KDR: variants seen among roughly 807,000 people sequenced by gnomAD.
KDR encodes the protein kinase insert domain receptor.
In KDR, 43 loss-of-function variants were observed where a neutral mutation model predicts 160.9. The ratio of observed to expected loss-of-function variants is 0.27; its 90% confidence interval spans 0.21 to 0.34. The LOEUF is 0.34. Ranked by LOEUF, KDR falls within the 10% of genes least tolerant of loss-of-function variation. The pLI, the probability that KDR is intolerant of heterozygous loss-of-function variation, is 1.00. For missense variants in KDR, 1,469 were observed against 1,666.4 expected (o/e 0.88, Z 2.06); for synonymous variants, 617 against 600.1 (o/e 1.03, Z -0.41).
At chr4:55,111,531 T>A (rs1720582326) in intron 7 of KDR, among the ~76,000 whole-genome samples, 1 of 152,144 alleles carries the variant, frequency 6.6e-6, no homozygotes, top group South Asian at 2.1e-4. Flanking sequence ...CCACCTCAAC[T>A]ACCCTTGTCT....
Position 55,125,354 on chromosome 4 carries a change from C to G in KDR, c.-61G>C. On this transcript the variant is annotated 5_prime_UTR_variant, in exon 1 of 30. Coordinates refer to ENST00000263923, the MANE Select transcript of KDR (RefSeq NM_002253.4). Reference sequence around the variant, plus strand: ...GGGAGCCGGTTCTTTCTCCCAGCGCCTGTCTAGAGAAGGAGGCGCGGAGGT... The same window carrying G: ...GGGAGCCGGTTCTTTCTCCCAGCGCGTGTCTAGAGAAGGAGGCGCGGAGGT... 1 of 1,555,176 alleles carries G rather than the reference C, an allele frequency of 6.4e-7. No individual in the cohort carries two copies. Among genetic ancestry groups the G allele is most frequent in the Non-Finnish European group, 8.7e-7 (1 of 1,148,044 alleles).
In KDR at chr4:55,079,363, A is replaced by G. The variant is rs1207229318; in HGVS notation, c.*578T>C. The G allele has an allele frequency of 4.1e-6, 1 of 245,524 alleles. No homozygotes were observed. Among genetic ancestry groups the G allele is most frequent in the Non-Finnish European group, 8.0e-6 (1 of 124,612 alleles). 15.2% of individuals were successfully genotyped at this position (245,524 alleles called of 1,614,324 possible). Reference sequence around the variant, plus strand: ...CCCTTTACATTTCAGAACAGACCCCATGCCCACCTCCACCAGAGCAAACAC... The same window carrying G: ...CCCTTTACATTTCAGAACAGACCCCGTGCCCACCTCCACCAGAGCAAACAC... On this transcript the variant is annotated 3_prime_UTR_variant, in exon 30 of 30. Transcript: ENST00000263923.
intron 22 of KDR, 23 bp from the exon 23 acceptor site, chr4:55,090,101 A>T: frequency 6.2e-7 from 1 of 1,613,552 alleles, no homozygotes; most frequent in African/African-American, 1.3e-5. Context: ...TCATGTGTGC[A>T]TTAGGTCTCG....
intron 26 of KDR, among the ~76,000 whole-genome samples, chr4:55,088,439 C>T (rs1719919566): frequency 6.6e-6 from 1 of 152,142 alleles, no homozygotes; most frequent in African/African-American, 2.4e-5. Flanking sequence ...ACTCTAAAAT[C>T]TTCCAGTGGA....
intron 20 of KDR, among the ~76,000 whole-genome samples, chr4:55,095,199 T>C (rs1720120419): frequency 6.6e-6 from 1 of 152,138 alleles, no homozygotes; most frequent in African/African-American, 2.4e-5. Flanking sequence ...TGCCACATTT[T>C]GAGTTGCATT....
chr4:55,082,464 G>A (rs1386390080), intron 28 of KDR, 72 bp downstream of exon 28: 8 of 1,171,518 alleles, frequency 6.8e-6, no homozygotes, highest in South Asian at 2.5e-5. Context: ...TTAATGCTTA[G>A]GCTAATATTT....
At chr4:55,103,530 C>T (rs540862409) in intron 13 of KDR, among the ~76,000 whole-genome samples, 2 of 152,254 alleles carry the variant, frequency 1.3e-5, no homozygotes, top group South Asian at 2.1e-4. Flanking sequence ...CTCAATTCTG[C>T]CATAACCTTG....
In KDR at chr4:55,107,990, T is replaced by G. The variant is rs1041370573; in HGVS notation, c.1256-97A>C. 2.2e-6 allele frequency: 3 copies of G among 1,383,904 alleles called. No individual in the cohort carries two copies. The Admixed American group carries it at 5.1e-5, about 24-fold the overall frequency. 85.7% of individuals were successfully genotyped at this position (1,383,904 alleles called of 1,614,324 possible). ...CTAAAGCTGACTTTCTTTAAGCATA[T>G]GATTTTGCTTCCACTTTCTTTTTCG... On this transcript the variant is annotated intron_variant, in intron 9 of 29. Coordinates refer to ENST00000263923, the MANE Select transcript of KDR (RefSeq NM_002253.4).
At chr4:55,101,490 C>A (rs1270884277) in intron 15 of KDR, among the ~76,000 whole-genome samples, 1 of 152,170 alleles carries the variant, frequency 6.6e-6, no homozygotes, top group Non-Finnish European at 1.5e-5. Context: ...TGACTTCCCA[C>A]TGACCTTCTT....
intron 2 of KDR, among the ~76,000 whole-genome samples, chr4:55,120,423 T>A (rs1325216340): frequency 1.3e-5 from 2 of 152,048 alleles, no homozygotes; most frequent in African/African-American, 4.8e-5. Context: ...AAAGGCAAAA[T>A]TTAAAGGCCT....
chr4:55,101,033 T>G (rs976057351), intron 15 of KDR, among the ~76,000 whole-genome samples: 1 of 152,174 alleles, frequency 6.6e-6, no homozygotes, highest in East Asian at 1.9e-4. Context: ...AACCAAAAAT[T>G]TTCCATGTCA....
intron 7 of KDR, among the ~76,000 whole-genome samples, 158 bp downstream of exon 7, chr4:55,113,146 A>G (rs1720638849): frequency 1.3e-5 from 2 of 152,226 alleles, no homozygotes; most frequent in Admixed American, 1.3e-4. Flanking sequence ...CCTGACTACA[A>G]AGCTATGCTC....
chr4:55,081,989 A>G lies in KDR; in HGVS notation c.3815T>C (p.Leu1272Ser). 2 of 1,613,950 alleles carry G rather than the reference A, an allele frequency of 1.2e-6. No individual in the cohort carries two copies. The highest frequency in any genetic ancestry group is 1.1e-5 in the South Asian group (1 of 91,076). Residue 1272 changes from leucine (L) to serine (S), a missense_variant, in exon 29 of 30, where the codon TTG becomes TCG. This residue lies in a region of KDR where 229 missense variants were observed against 197.8 expected (regional missense o/e 1.16). Transcript: ENST00000263923. ...TGGAGATAATTTGGTTCTGTCTTCC[A>G]AAGTTTTCAGCTCTTCTGAGGCAAG... ...MVLASEELKT[L>S]EDRTKLSPSF...
At chr4:55,107,067 A>G (rs952935823) in intron 10 of KDR, among the ~76,000 whole-genome samples, 6 of 152,242 alleles carry the variant, frequency 3.9e-5, no homozygotes, top group African/African-American at 1.4e-4. Context: ...TGGATCGACA[A>G]GACAATTCAA....
chr4:55,099,525 CA>C (rs1720256977), intron 15 of KDR, among the ~76,000 whole-genome samples: 1 of 152,096 alleles, frequency 6.6e-6, no homozygotes, highest in South Asian at 2.1e-4. Context: ...TTGAGGAAAA[CA>C]AAAGTCTTCT....
At chr4:55,081,542 T>C (rs1719735815) in intron 29 of KDR, among the ~76,000 whole-genome samples, 2 of 152,228 alleles carry the variant, frequency 1.3e-5, no homozygotes, top group Non-Finnish European at 2.9e-5. Context: ...CAAATAGATA[T>C]TGGCTTATTT....
chr4:55,088,609 G>A (rs1719928633), intron 26 of KDR, among the ~76,000 whole-genome samples: 1 of 152,188 alleles, frequency 6.6e-6, no homozygotes, highest in African/African-American at 2.4e-5. Context: ...AACTTTAGAA[G>A]AGGATTTGAA....
rs1720482706 is a variant in KDR, at chr4:55,107,849, A to C, written c.1300T>G (p.Ser434Ala). 1.9e-6 allele frequency: 3 copies of C among 1,613,940 alleles called. No individual in the cohort carries two copies. The highest frequency in any genetic ancestry group is 2.5e-6 in the Non-Finnish European group (3 of 1,179,916). ...GEKSLISPVD[S>A]YQYGTTQTLT... ...GTTTGAGTGGTGCCGTACTGGTAGG[A>C]ATCCACAGGAGAGATTAGAGATTTC... The change falls in exon 10 of 30, where the codon TCC (serine) becomes GCC (alanine). Residue 434 changes from serine to alanine, a missense_variant. Around this residue, in one of 7 missense-constraint regions of KDR, gnomAD observed 792 missense variants for 840.9 expected, o/e 0.94. Transcript: ENST00000263923.
In KDR at chr4:55,114,954, C is replaced by T. The variant is rs1051109918; in HGVS notation, c.578G>A (p.Ser193Asn). Residue 193 changes from serine (S) to asparagine (N), a missense_variant, in exon 5 of 30, where the codon AGC (serine) becomes AAC (asparagine). By Grantham distance (46) the Ser-to-Asn change is conservative (BLOSUM62 1). Coordinates refer to ENST00000263923, the MANE Select transcript of KDR (RefSeq NM_002253.4). Reference sequence around the variant, plus strand: ...TTCACAGAAGACCATGCCAGCATAGCTGATCATGTAGCTGGGAATAGTAAA... The same window carrying T: ...TTCACAGAAGACCATGCCAGCATAGTTGATCATGTAGCTGGGAATAGTAAA... ...KGFTIPSYMI[S>N]YAGMVFCEAK... The T allele has an allele frequency of 1.2e-6, 2 of 1,613,602 alleles. No individual in the cohort carries two copies. Among genetic ancestry groups the T allele is most frequent in the Non-Finnish European group, 8.5e-7 (1 of 1,179,574 alleles).
Sources: gnomAD v4.1 joint callset for allele counts (sites outside exome capture counted in the v4.1 genomes callset) on GRCh38, gnomAD v4.1.1 for gene constraint, gnomAD v4.1.1 regional missense constraint, MANE v1.5 for transcripts, NCBI Gene and HGNC (gene_info 2026-07-23, HGNC 2026-07-21) for gene names.